Variants in TAB3 observed in about 807,000 individuals in gnomAD.
The protein encoded by TAB3 is TGF-beta-activated kinase 1 and MAP3K7-binding protein 3.
In TAB3, 18 loss-of-function variants were observed where a neutral mutation model predicts 48.1. That is an observed-to-expected ratio of 0.37 (90% CI 0.26 to 0.55). The LOEUF (loss-of-function observed/expected upper bound fraction) is 0.55, where lower values mean the gene tolerates loss of function less well. Among genes scored for constraint, TAB3 ranks in the 20% least tolerant of loss-of-function variants. The pLI, the probability that TAB3 is intolerant of heterozygous loss-of-function variation, is 0.78. For synonymous variants in TAB3, 185 were observed against 190.2 expected (o/e 0.97, Z 0.22); for missense variants, 414 against 549.8 (o/e 0.75, Z 2.47).
At chrX:30,877,182 CTG>C (rs1289447470) in intron 1 of TAB3, among the ~76,000 whole-genome samples, 1 of 112,241 alleles carries the variant, frequency 8.9e-6, no homozygotes, top group Non-Finnish European at 1.9e-5. Flanking sequence ...AGCTAAAAGA[CTG>C]TGTATCTCCA....
intron 1 of TAB3, among the ~76,000 whole-genome samples, chrX:30,883,332 C>T (rs1312256418): frequency 8.9e-6 from 1 of 111,928 alleles, no homozygotes; most frequent in Non-Finnish European, 1.9e-5. Flanking sequence ...TTCTTATGCA[C>T]TCACTCATGG....
At chrX:30,836,673 T>A (rs1938225995) in intron 9 of TAB3, 1 of 110,992 alleles carries the variant, frequency 9.0e-6, no homozygotes, top group Non-Finnish European at 1.9e-5. Context: ...CGAAACCCTG[T>A]CTCCACAAAA....
chrX:30,858,138 A>G (rs1373069865), intron 5 of TAB3, among the ~76,000 whole-genome samples: 1 of 112,222 alleles, frequency 8.9e-6, no homozygotes. Context: ...ATTATCAACA[A>G]ATGTTCACTG....
In TAB3 at chrX:30,831,220, T is replaced by C. The variant is rs889186196; in HGVS notation, c.*207A>G. 5.7e-6 allele frequency: 2 copies of C among 351,898 alleles called. No homozygotes were observed. The highest frequency in any genetic ancestry group is 5.2e-5 in the African/African-American group (2 of 38,102). The allele number at this position is 351,898 out of a possible 1,213,427, so 29.0% of individuals were successfully genotyped here. ...AGTTTCAAGTATCCCTTTCTATCTC[T>C]CACTCTGTAGTGAGTTAAGAAAGGA... On this transcript the variant is annotated 3_prime_UTR_variant, in exon 11 of 11. Coordinates refer to ENST00000288422, the MANE Select transcript of TAB3 (RefSeq NM_152787.5).
rs575773437 is a variant in TAB3, at chrX:30,835,135, T to G, written c.1889-983A>C. On this transcript the variant is annotated intron_variant, in intron 9 of 10. Coordinates refer to ENST00000288422, the MANE Select transcript of TAB3 (RefSeq NM_152787.5). ...ATTGTTTCTATAAATTTATAGTTTA[T>G]TAGTAAGCAACCCTTTGGATTAAAA... 1.7e-4 allele frequency: 21 copies of G among 123,485 alleles called. No homozygotes were observed. The South Asian group carries it at 3.0e-3, about 17-fold the overall frequency. 10.2% of individuals were successfully genotyped at this position (123,485 alleles called of 1,213,427 possible). A position where few individuals can be genotyped will look rare whatever the true frequency, so the allele number is the denominator to read the frequency against.
At chrX:30,862,365 C>CAA (rs761059782) in intron 4 of TAB3, among the ~76,000 whole-genome samples, 16 of 112,036 alleles carry the variant, frequency 1.4e-4, no homozygotes, top group African/African-American at 5.2e-4. Context: ...TCCAGCTTTC[C>CAA]CAATGGCTCC....
chrX:30,866,221 A>AC (rs1022902839), intron 4 of TAB3, among the ~76,000 whole-genome samples: 6 of 111,149 alleles, frequency 5.4e-5, no homozygotes, highest in African/African-American at 9.8e-5. Flanking sequence ...TAAACTTAAC[A>AC]CCCCCCACAA....
In TAB3 at chrX:30,834,098, G is replaced by A; in HGVS notation, c.1943C>T (p.Ser648Phe). ...ERKARRISVTSKVQADIHDTQ... is the reference protein window; with the variant it reads ...ERKARRISVTFKVQADIHDTQ... ...GTCATGGATGTCTGCCTGTACTTTG[G>A]AGGTCACGCTAATTCTTCGGGCTTT... The change falls in exon 10 of 11, where the codon TCC (serine) becomes TTC (phenylalanine). Residue 648 changes from serine to phenylalanine, a missense_variant. Physicochemically the swap from Ser to Phe is radical, Grantham distance 155. Transcript: ENST00000288422. 1 of 1,211,519 alleles carries A rather than the reference G, an allele frequency of 8.3e-7. No homozygotes were observed. Among genetic ancestry groups the A allele is most frequent in the East Asian group, 3.0e-5 (1 of 33,838 alleles).
At chrX:30,838,390 G>A (rs1360696613) in intron 9 of TAB3, among the ~76,000 whole-genome samples, 1 of 112,106 alleles carries the variant, frequency 8.9e-6, no homozygotes, top group Admixed American at 9.4e-5. Context: ...CTGAGCTCAA[G>A]TGATCCTCCT....
chrX:30,882,527 T>C (rs1376927381), intron 1 of TAB3, among the ~76,000 whole-genome samples: 1 of 112,002 alleles, frequency 8.9e-6, no homozygotes, highest in Non-Finnish European at 1.9e-5. Flanking sequence ...ACTCTCTCCT[T>C]TTATTTCAAC....
rs1938993238 is a variant in TAB3 at position 30,854,540 on chromosome X, T to C, written c.1125A>G (p.Arg375=). Residue 375 remains arginine, a synonymous_variant, in exon 6 of 11, where the codon AGA becomes AGG. Coordinates refer to ENST00000288422, the MANE Select transcript of TAB3 (RefSeq NM_152787.5). ...GACTCCTATTAATTGCTGTCCCAGGTCTTTGAGAAGGTTCAACTGTAATTT... is the reference window on the plus strand; with the variant it reads ...GACTCCTATTAATTGCTGTCCCAGGCCTTTGAGAAGGTTCAACTGTAATTT... ...KIEITVEPSQ[R]PGTAINRSPS... 7 of 1,210,483 alleles carry C rather than the reference T, an allele frequency of 5.8e-6. No individual in the cohort carries two copies. The highest frequency in any genetic ancestry group is 7.8e-6 in the Non-Finnish European group (7 of 894,399).
At chrX:30,846,162 T>A (rs1938615525) in intron 8 of TAB3, 1 of 688,767 alleles carries the variant, frequency 1.5e-6, no homozygotes, top group African/African-American at 2.3e-5. Context: ...AGAGTTTATT[T>A]TAAAACTGAG....
At chrX:30,870,590 G>A (rs1352584696) in intron 2 of TAB3, among the ~76,000 whole-genome samples, 1 of 112,276 alleles carries the variant, frequency 8.9e-6, no homozygotes, top group Non-Finnish European at 1.9e-5. Context: ...TGACATTTAA[G>A]CTGGATTACA....
rs1439102467 is a variant in TAB3 at position 30,868,542 on chromosome X, ATATATATATATATATATATATAGCT to A, written c.-279-1018_-279-994del. 2.6e-3 allele frequency among the ~76,000 whole-genome samples: 10 copies of A among 3,851 alleles called. 4 individuals are homozygous for A. The highest frequency in any genetic ancestry group is 0.023 in the African/African-American group (7 of 309). The allele number at this position is 3,851 out of a possible 115,157, so 3.3% of individuals were successfully genotyped here. ...TTATATATATATATATATAGCTTAT[ATATATATATATATATATATATAGCT>A]TATATATATATATATATATAGAGAG... On this transcript the variant is annotated intron_variant, in intron 2 of 10. Transcript: ENST00000288422.
chrX:30,868,619 C>CGCGA, intron 2 of TAB3, among the ~76,000 whole-genome samples: 1 of 28,623 alleles, frequency 3.5e-5, no homozygotes, highest in East Asian at 1.2e-3. Context: ...AGAGAGAGAG[C>CGCGA]GCGTGGGGGG....
At chrX:30,861,459 A>C (rs1179956895) in intron 4 of TAB3, among the ~76,000 whole-genome samples, 1 of 110,911 alleles carries the variant, frequency 9.0e-6, no homozygotes, top group Non-Finnish European at 1.9e-5. Flanking sequence ...TACGCTTCTA[A>C]ATCAATGGGT....
intron 2 of TAB3, among the ~76,000 whole-genome samples, chrX:30,868,221 CA>C (rs1939470786): frequency 1.0e-5 from 1 of 97,570 alleles, no homozygotes; most frequent in South Asian, 4.9e-4. Context: ...TTGCATAGCA[CA>C]AAGTGTGTAT....
chrX:30,834,300 A>G, intron 9 of TAB3, 148 bp from the exon 10 acceptor site: 1 of 477,913 alleles, frequency 2.1e-6, no homozygotes, highest in Non-Finnish European at 3.5e-6. Context: ...AAGGGCAGGC[A>G]CCATATTTAA....
chrX:30,843,185 A>G, intron 8 of TAB3, 136 bp from the exon 9 acceptor site: 1 of 420,311 alleles, frequency 2.4e-6, no homozygotes, highest in Non-Finnish European at 4.0e-6. Context: ...TCATTACATA[A>G]TTCTGTCCTC....
Sources: allele counts gnomAD v4.1 joint callset (sites outside exome capture counted in the v4.1 genomes callset), GRCh38; gene constraint gnomAD v4.1.1; transcripts MANE v1.5; gene names NCBI Gene and HGNC (gene_info 2026-07-23, HGNC 2026-07-21).